The following CHD1L variants were observed in gnomAD, a reference collection of about 807,000 sequenced individuals.
CHD1L encodes ATP-dependent chromatin remodeler CHD1L.
Under a neutral mutation model 115.9 loss-of-function variants are expected in CHD1L, and 118 were observed. That is an observed-to-expected ratio of 1.02 (90% CI 0.88 to 1.19). The LOEUF (loss-of-function observed/expected upper bound fraction) is 1.19, where lower values mean the gene tolerates loss of function less well. Ranked by LOEUF, CHD1L falls within the 50% of genes most tolerant of loss-of-function variation. The pLI is 0.00. For synonymous variants in CHD1L, 411 were observed against 387.1 expected (o/e 1.06, Z -0.72); for missense variants, 1,179 against 1,065.3 (o/e 1.11, Z -1.49).
the CHD1L span, among the ~76,000 whole-genome samples, chr1:147,229,755 T>G: frequency 1.6e-4 from 25 of 152,190 alleles, no homozygotes; most frequent in African/African-American, 5.3e-4. Context: ...CTAGGTATTT[T>G]ATTCTCTTTG....
intron 5 of CHD1L, among the ~76,000 whole-genome samples, chr1:147,256,996 C>T (rs1464388238): frequency 7.9e-5 from 12 of 152,152 alleles, no homozygotes; most frequent in African/African-American, 2.7e-4. Context: ...AAATAGCAAT[C>T]AGTGCCGTGG....
rs781862870 is a variant in CHD1L at position 147,254,930 on chromosome 1, C to A, written c.301C>A (p.Leu101Ile). Residue 101 changes from leucine (L) to isoleucine (I), a missense_variant, in exon 3 of 23, where the codon CTT (leucine) becomes ATT (isoleucine). Physicochemically the swap from Leu to Ile is conservative, Grantham distance 5. Coordinates refer to ENST00000369258, the MANE Select transcript of CHD1L (RefSeq NM_004284.6). ...RLNDEGPFLI[L>I]CPLSVLSNWK... ...AAATGATGAAGGGCCATTTCTGATT[C>A]TTTGTCCCTTGTCTGTTTTGAGCAA... The A allele has an allele frequency of 3.1e-6, 5 of 1,610,772 alleles. No homozygotes were observed. The South Asian group carries it at 3.3e-5, about 11-fold the overall frequency.
At chr1:147,252,776 A>C (rs1553937387) in intron 2 of CHD1L, 41 bp downstream of exon 2, 1 of 1,434,612 alleles carries the variant, frequency 7.0e-7, no homozygotes, top group Non-Finnish European at 9.8e-7. Context: ...CGCCACTGCG[A>C]TACTTCCTTA....
At chr1:147,293,524 G>A in intron 20 of CHD1L, 84 bp from the exon 21 acceptor site, 1 of 1,096,992 alleles carries the variant, frequency 9.1e-7, no homozygotes, top group Non-Finnish European at 1.4e-6. Context: ...ACCCATCAAG[G>A]GCTGTGCCGC....
chr1:147,179,338 T>C, the CHD1L span: 3 of 1,603,644 alleles, frequency 1.9e-6, no homozygotes, highest in South Asian at 3.3e-5. Context: ...GTGTGGTCAC[T>C]GTAAGAACCT....
At position 147,272,190 on chromosome 1, in the gene CHD1L, G is replaced by A. The variant is rs148074833; in HGVS notation, c.1179G>A (p.Val393=). 2.3e-4 allele frequency: 370 copies of A among 1,614,018 alleles called. 2 individuals are homozygous for A. The highest frequency in any genetic ancestry group is 8.0e-4 in the East Asian group (36 of 44,880). ...GTAAAGGCTACAGCTATGAGCGTGT[G>A]GATGGTTCTGTGAGAGGAGAAGAGA... The part of the protein sequence containing the change: ...MDYRGYSYER[V]DGSVRGEERH... Residue 393 remains valine (V), a synonymous_variant, in exon 12 of 23, where the codon GTG becomes GTA. Coordinates refer to ENST00000369258, the MANE Select transcript of CHD1L (RefSeq NM_004284.6).
chr1:147,247,572 G>A (rs1667010726), intron 1 of CHD1L, among the ~76,000 whole-genome samples: 1 of 152,132 alleles, frequency 6.6e-6, no homozygotes, highest in East Asian at 1.9e-4. Context: ...CATGCTTCTT[G>A]TACAATCTGT....
chr1:147,291,658 A>T, intron 20 of CHD1L, 106 bp downstream of exon 20: 2 of 830,180 alleles, frequency 2.4e-6, no homozygotes. Flanking sequence ...TTAGTTTGTT[A>T]GGGCTGCCAT....
At chr1:147,283,004 G>T (rs587743985) in intron 15 of CHD1L, among the ~76,000 whole-genome samples, 2 of 152,208 alleles carry the variant, frequency 1.3e-5, no homozygotes, top group African/African-American at 4.8e-5. Context: ...TGATTACAAA[G>T]AATATAAGTG....
chr1:147,178,153 C>T, the CHD1L span: 3 of 1,608,714 alleles, frequency 1.9e-6, no homozygotes, highest in Non-Finnish European at 2.5e-6. Flanking sequence ...GGGCGTGGCG[C>T]TGCTTCTCGC....
chr1:147,192,039 T>C, the CHD1L span, among the ~76,000 whole-genome samples: 1 of 152,292 alleles, frequency 6.6e-6, no homozygotes, highest in East Asian at 1.9e-4. Context: ...TTTTTCCAAT[T>C]CTGTGAAGAA....
chr1:147,231,204 G>A, the CHD1L span, among the ~76,000 whole-genome samples: 2 of 152,056 alleles, frequency 1.3e-5, no homozygotes, highest in Admixed American at 1.3e-4. Flanking sequence ...CTGGTACACT[G>A]TGTCTTTGTT....
chr1:147,191,517 T>G, the CHD1L span, among the ~76,000 whole-genome samples: 1 of 148,330 alleles, frequency 6.7e-6, no homozygotes, highest in Non-Finnish European at 1.5e-5. Flanking sequence ...CTTTGCCCAC[T>G]TTTTGATGGG....
chr1:147,281,594 CTT>C (rs1157810726), intron 15 of CHD1L, among the ~76,000 whole-genome samples: 1 of 151,970 alleles, frequency 6.6e-6, no homozygotes, highest in African/African-American at 2.4e-5. Flanking sequence ...ATAAAAATAT[CTT>C]GTTTGTATTC....
rs758627001 is a variant in CHD1L at position 147,254,240 on chromosome 1, G to A, written c.241-630G>A. Among the ~76,000 whole-genome samples the A allele has an allele frequency of 3.0e-4, 46 of 152,124 alleles. 1 individual carries two copies. The highest frequency in any genetic ancestry group is 3.2e-3 in the Middle Eastern group (1 of 316). The stretch of plus-strand genomic sequence containing the variant: ...TATACCCTTCCTTAAGCTTAGGATC[G>A]TGTATTGTCTGTTTTCCCCGTTAGA... On this transcript the variant is annotated intron_variant, in intron 2 of 22. Transcript: ENST00000369258.
Position 147,294,510 on chromosome 1 carries a change from A to G in CHD1L, c.2608A>G (p.Thr870Ala). The G allele has an allele frequency of 1.2e-6, 2 of 1,610,480 alleles. No individual in the cohort carries two copies. The highest frequency in any genetic ancestry group is 4.5e-5 in the East Asian group (2 of 44,686). Residue 870 changes from threonine (T) to alanine (A), a missense_variant, in exon 22 of 23, where the codon ACT (threonine) becomes GCT (alanine). Physicochemically the swap from Thr to Ala is moderately conservative, Grantham distance 58. Transcript: ENST00000369258. ...RKHLAARGIP[T>A]YIYYFPRSKS... is the part of the protein sequence containing the mutation. ...ACATCTGGCTGCAAGAGGCATCCCA[A>G]CTTACATGTATCCTTTTGTGATCTT...
At chr1:147,197,273 T>C in the CHD1L span, among the ~76,000 whole-genome samples, 3 of 152,204 alleles carry the variant, frequency 2.0e-5, no homozygotes, top group Non-Finnish European at 4.4e-5. Flanking sequence ...AATTCCTATG[T>C]AGTTGTAGGG....
At chr1:147,258,874 A>T (rs1159410135) in intron 5 of CHD1L, 2 of 152,238 alleles carry the variant, frequency 1.3e-5, no homozygotes, top group African/African-American at 4.8e-5. Context: ...ATCAAAATAA[A>T]AAGTTAAACA....
chr1:147,295,201 A>G (rs782738504), intron 22 of CHD1L, among the ~76,000 whole-genome samples: 38 of 152,238 alleles, frequency 2.5e-4, no homozygotes, highest in Non-Finnish European at 3.7e-4. Flanking sequence ...AAAAACTTAG[A>G]GAAGCCAGCT....
Sources: gnomAD v4.1 joint callset for allele counts (sites outside exome capture counted in the v4.1 genomes callset) on GRCh38, gnomAD v4.1.1 for gene constraint, MANE v1.5 for transcripts, NCBI Gene and HGNC (gene_info 2026-07-23, HGNC 2026-07-21) for gene names.